Variants in ERC2 observed in about 807,000 individuals in gnomAD.
The protein encoded by ERC2 is ERC protein 2.
Under a neutral mutation model 114.8 loss-of-function variants are expected in ERC2, and 42 were observed. The ratio of observed to expected loss-of-function variants is 0.37; its 90% CI spans 0.29 to 0.47. The LOEUF (loss-of-function observed/expected upper bound fraction) is 0.47. ERC2 is among the 20% of genes least tolerant of loss of function. The pLI is 0.99. For missense variants in ERC2, 939 were observed against 1,150.7 expected (o/e 0.82, Z 2.66); for synonymous variants, 454 against 425.5 (o/e 1.07, Z -0.82).
At chr3:55,728,110 A>G (rs750453983) in intron 15 of ERC2, among the ~76,000 whole-genome samples, 52 of 152,194 alleles carry the variant, frequency 3.4e-4, no homozygotes, top group Non-Finnish European at 7.1e-4. Flanking sequence ...TTATTCATTC[A>G]TTCATACATT....
intron 3 of ERC2, among the ~76,000 whole-genome samples, chr3:56,290,038 C>T (rs1389995863): frequency 6.6e-6 from 1 of 152,176 alleles, no homozygotes; most frequent in Non-Finnish European, 1.5e-5. Flanking sequence ...AATCTCTGAA[C>T]AAGACCACAA....
At chr3:55,684,619 A>G (rs2148780948) in intron 16 of ERC2, among the ~76,000 whole-genome samples, 1 of 152,382 alleles carries the variant, frequency 6.6e-6, no homozygotes, top group East Asian at 1.9e-4. Context: ...GTGTTCAATT[A>G]TGGATAAACT....
chr3:56,104,884 A>G (rs1312032424), intron 6 of ERC2, among the ~76,000 whole-genome samples: 3 of 152,166 alleles, frequency 2.0e-5, no homozygotes, highest in African/African-American at 7.2e-5. Flanking sequence ...AACGTAGTAA[A>G]TAATTAGGTT....
chr3:55,621,588 G>A (rs2059331396), intron 17 of ERC2, among the ~76,000 whole-genome samples: 1 of 152,210 alleles, frequency 6.6e-6, no homozygotes, highest in African/African-American at 2.4e-5. Flanking sequence ...GCTGGCTGGA[G>A]ACACAGACAC....
At chr3:56,264,260 C>T in intron 3 of ERC2, among the ~76,000 whole-genome samples, 1 of 152,170 alleles carries the variant, frequency 6.6e-6, no homozygotes, top group Non-Finnish European at 1.5e-5. Context: ...AGAATGCCCA[C>T]TCTTGCCACA....
chr3:56,446,410 C>G (rs2062563895), intron 1 of ERC2, among the ~76,000 whole-genome samples: 1 of 152,054 alleles, frequency 6.6e-6, no homozygotes, highest in African/African-American at 2.4e-5. Flanking sequence ...GGAGCCTGTA[C>G]AGTGGGGCAC....
At chr3:56,312,012 C>T (rs2056611287) in intron 2 of ERC2, among the ~76,000 whole-genome samples, 1 of 152,080 alleles carries the variant, frequency 6.6e-6, no homozygotes, top group Non-Finnish European at 1.5e-5. Flanking sequence ...ATAGCATTTA[C>T]ACTGTGTTAG....
chr3:55,701,924 T>C (rs1481954579), intron 15 of ERC2, among the ~76,000 whole-genome samples: 5 of 152,214 alleles, frequency 3.3e-5, no homozygotes, highest in Admixed American at 3.3e-4. Flanking sequence ...TAAGATCTGC[T>C]GTGGGCAAGA....
chr3:55,576,725 T>C (rs1222917975), intron 17 of ERC2, among the ~76,000 whole-genome samples: 2 of 152,276 alleles, frequency 1.3e-5, no homozygotes, highest in East Asian at 1.9e-4. Flanking sequence ...TGTATCTTTA[T>C]GGCCTGGGCT....
chr3:55,887,936 T>A (rs929654943), intron 14 of ERC2, among the ~76,000 whole-genome samples: 3 of 152,244 alleles, frequency 2.0e-5, no homozygotes, highest in Non-Finnish European at 4.4e-5. Flanking sequence ...TGAGACTCTG[T>A]GAGAGTCAAC....
chr3:56,244,126 C>T (rs1189365553), intron 3 of ERC2, among the ~76,000 whole-genome samples: 2 of 152,086 alleles, frequency 1.3e-5, no homozygotes, highest in African/African-American at 4.8e-5. Context: ...ACACTATATA[C>T]AATGGTGTTC....
intron 12 of ERC2, among the ~76,000 whole-genome samples, chr3:55,972,477 T>A (rs2069241169): frequency 1.3e-5 from 2 of 152,182 alleles, no homozygotes; most frequent in Non-Finnish European, 2.9e-5. Flanking sequence ...CCTCCCTGTG[T>A]CCATGGATTC....
chr3:55,796,887 CTG>C (rs953717475), intron 14 of ERC2, among the ~76,000 whole-genome samples: 4 of 152,282 alleles, frequency 2.6e-5, no homozygotes, highest in African/African-American at 9.6e-5. Flanking sequence ...ACTTCAATAA[CTG>C]TTTAAATAAA....
chr3:56,117,361 A>G (rs1056399502), intron 6 of ERC2, among the ~76,000 whole-genome samples: 1 of 152,194 alleles, frequency 6.6e-6, no homozygotes, highest in Non-Finnish European at 1.5e-5. Flanking sequence ...CCCCATGTCA[A>G]TATGAATTTT....
At chr3:55,720,206 T>TC (rs2064427156) in intron 15 of ERC2, among the ~76,000 whole-genome samples, 1 of 7,438 alleles carries the variant, frequency 1.3e-4, no homozygotes, top group African/African-American at 6.1e-4. Context: ...CTTCTTCTTC[T>TC]TCTTCTTCTT....
intron 15 of ERC2, among the ~76,000 whole-genome samples, chr3:55,730,606 C>G (rs1197616364): frequency 6.6e-6 from 1 of 152,212 alleles, no homozygotes; most frequent in Admixed American, 6.5e-5. Context: ...CAGTGTGGCT[C>G]ACACCCGTAA....
chr3:55,688,044 G>C (rs2062428615), intron 16 of ERC2, among the ~76,000 whole-genome samples: 1 of 152,158 alleles, frequency 6.6e-6, no homozygotes, highest in South Asian at 2.1e-4. Context: ...GAATGTCTCT[G>C]TTCAGGTGAT....
chr3:55,944,163 A>AC (rs1243345512), intron 13 of ERC2, among the ~76,000 whole-genome samples: 1 of 152,178 alleles, frequency 6.6e-6, no homozygotes, highest in African/African-American at 2.4e-5. Context: ...TTCAAACTCT[A>AC]CCCCCATAAT....
chr3:56,241,691 T>C (rs559385280), intron 3 of ERC2, among the ~76,000 whole-genome samples: 1 of 152,272 alleles, frequency 6.6e-6, no homozygotes, highest in Admixed American at 6.5e-5. Context: ...AGTCTTTCCC[T>C]TACTACTTTG....
Sources: allele counts gnomAD v4.1 joint callset (sites outside exome capture counted in the v4.1 genomes callset), GRCh38; gene constraint gnomAD v4.1.1; transcripts MANE v1.5; gene names NCBI Gene and HGNC (gene_info 2026-07-23, HGNC 2026-07-21).